The following OTOF variants were observed in gnomAD, a reference collection of about 807,000 sequenced individuals.
The protein encoded by OTOF is fer-1-like family member 2.
Under a neutral mutation model 236.8 loss-of-function variants are expected in OTOF, and 218 were observed. That is an observed-to-expected ratio of 0.92 (90% confidence interval 0.82 to 1.03). The LOEUF is 1.03. Among genes scored for constraint, OTOF ranks in the 50% least tolerant of loss-of-function variants. OTOF has a pLI of 0.00. For missense variants in OTOF, 2,590 were observed against 2,694.4 expected, an observed-to-expected ratio of 0.96 and a Z score of 0.86; for synonymous variants, 1,041 against 1,072.5, an observed-to-expected ratio of 0.97 and a Z score of 0.57.
Position 26,509,293 on chromosome 2 carries a change from C to T in OTOF, c.510-5448G>A, listed in dbSNP as rs115420935. Among the ~76,000 whole-genome samples, 966 of 152,312 alleles carry T rather than the reference C, an allele frequency of 6.3e-3. 10 individuals carry two copies. Among genetic ancestry groups the T allele is most frequent in the African/African-American group, 0.021 (890 of 41,570 alleles). ...AAGAGGACTCCCCAGCTCAGCATTC[C>T]CCATCATCGCCACCCACCCTGGATT... On this transcript the variant is annotated intron_variant, in intron 5 of 46. Coordinates refer to ENST00000272371, the MANE Select transcript of OTOF (RefSeq NM_194248.3).
rs1665793088 is a variant in OTOF at position 26,489,725 on chromosome 2, A to G, written c.913T>C (p.Phe305Leu). Residue 305 changes from phenylalanine (F) to leucine (L), a missense_variant, in exon 10 of 47, where the codon TTC (phenylalanine) becomes CTC (leucine). Physicochemically the swap from Phe to Leu is conservative, Grantham distance 22 (BLOSUM62 0). Transcript: ENST00000272371. ...PYYNEYFVFD[F>L]HVSPDVMFDK... Reference sequence around the variant, plus strand: ...AACATGACATCCGGAGAGACATGGAAGTCGAAGACGAAGTACTGGAGGGGG... The same window carrying G: ...AACATGACATCCGGAGAGACATGGAGGTCGAAGACGAAGTACTGGAGGGGG... 1.2e-5 allele frequency: 19 copies of G among 1,612,826 alleles called. No individual in the cohort carries two copies. Among genetic ancestry groups the G allele is most frequent in the Non-Finnish European group, 1.6e-5 (19 of 1,179,872 alleles).
chr2:26,511,514 T>C (rs1326197269), intron 5 of OTOF, among the ~76,000 whole-genome samples: 5 of 152,238 alleles, frequency 3.3e-5, no homozygotes, highest in Non-Finnish European at 4.4e-5. Context: ...CACCCTGTTC[T>C]GGCACAGGCC....
Position 26,527,829 on chromosome 2 carries a change from T to TA in OTOF, c.227+2dup, listed in dbSNP as rs1666846070. ...AGCCCCTCCTGCCCCATCCCACACT[T>TA]ACTTGTTGCTGAAGACTTTGCTGTA... On this transcript the variant is annotated splice_region_variant and intron_variant, in intron 3 of 46. Coordinates refer to ENST00000272371, the MANE Select transcript of OTOF (RefSeq NM_194248.3). The TA allele has an allele frequency of 6.2e-7, 1 of 1,607,642 alleles. No individual in the cohort carries two copies. Among genetic ancestry groups the TA allele is most frequent in the African/African-American group, 1.3e-5 (1 of 74,764 alleles).
intron 7 of OTOF, 55 bp downstream of exon 7, chr2:26,502,245 G>A: frequency 6.2e-7 from 1 of 1,604,310 alleles, no homozygotes. Flanking sequence ...TGGCAAGCCA[G>A]GTCCTGCCTG....
At position 26,497,601 on chromosome 2, in the gene OTOF, A is replaced by C. The variant is rs185520884; in HGVS notation, c.766-2528T>G. 2.5e-4 allele frequency among the ~76,000 whole-genome samples: 38 copies of C among 152,378 alleles called. No homozygotes were observed. In the East Asian group the frequency reaches 6.9e-3, roughly 28 times the overall value. On this transcript the variant is annotated intron_variant, in intron 8 of 46. Coordinates refer to ENST00000272371, the MANE Select transcript of OTOF (RefSeq NM_194248.3). ...AACCTGAGGGTGATTAAAAATCTACACATCAGAAGTAATCATGTTAAGGAA... is the reference window on the plus strand; with the variant it reads ...AACCTGAGGGTGATTAAAAATCTACCCATCAGAAGTAATCATGTTAAGGAA...
rs1439639692 is a variant in OTOF, at chr2:26,475,433, G to T, written c.3052C>A (p.Leu1018Ile). ...CTCAGCTCATGAGCTTCACCATAGAGCTCCAGGTTGTCGAACACCAGCATC... is the reference window on the plus strand; with the variant it reads ...CTCAGCTCATGAGCTTCACCATAGATCTCCAGGTTGTCGAACACCAGCATC... ...DQMLVFDNLELYGEAHELRDD... is the reference protein window; with the variant it reads ...DQMLVFDNLEIYGEAHELRDD... The change falls in exon 25 of 47, where the codon CTC becomes ATC. Residue 1018 changes from leucine (L) to isoleucine (I), a missense_variant. Leu to Ile is a conservative substitution (Grantham distance 5). Around this residue, in one of 2 missense-constraint regions of OTOF, gnomAD observed 1,211 missense variants for 1,352.8 expected, o/e 0.90. Coordinates refer to ENST00000272371, the MANE Select transcript of OTOF (RefSeq NM_194248.3). The T allele has an allele frequency of 1.2e-6, 2 of 1,613,136 alleles. No individual in the cohort carries two copies. Among genetic ancestry groups the T allele is most frequent in the Non-Finnish European group, 1.7e-6 (2 of 1,179,902 alleles).
At chr2:26,493,629 C>A (rs556685928) in intron 9 of OTOF, among the ~76,000 whole-genome samples, 26 of 152,260 alleles carry the variant, frequency 1.7e-4, no homozygotes, top group African/African-American at 5.5e-4. Context: ...TGCAACAAAC[C>A]ACACGGCTCA....
chr2:26,475,442 T>C lies in OTOF; in HGVS notation c.3043A>G (p.Asn1015Asp). Reference protein sequence around the residue: ...PTWDQMLVFDNLELYGEAHEL... With the variant: ...PTWDQMLVFDDLELYGEAHEL... The stretch of plus-strand genomic sequence containing the variant: ...TGAGCTTCACCATAGAGCTCCAGGT[T>C]GTCGAACACCAGCATCTGGTCCCAG... Residue 1015 changes from asparagine (N) to aspartate (D), a missense_variant, in exon 25 of 47, where the codon AAC becomes GAC. Asn to Asp is a conservative substitution (Grantham distance 23). Transcript: ENST00000272371. 6.2e-7 allele frequency: 1 copy of C among 1,613,098 alleles called. No individual in the cohort carries two copies. The highest frequency in any genetic ancestry group is 8.5e-7 in the Non-Finnish European group (1 of 1,179,924).
chr2:26,489,075 C>T, intron 11 of OTOF, 136 bp downstream of exon 11: 2 of 718,010 alleles, frequency 2.8e-6, no homozygotes, highest in South Asian at 1.5e-5. Flanking sequence ...GGCCAGATGG[C>T]TGTGTGTACT....
chr2:26,555,198 C>T (rs1340868244), intron 1 of OTOF, among the ~76,000 whole-genome samples: 1 of 152,216 alleles, frequency 6.6e-6, no homozygotes, highest in African/African-American at 2.4e-5. Flanking sequence ...AAGATGGCTC[C>T]TTCTTAGATA....
At position 26,466,792 on chromosome 2, in the gene OTOF, G is replaced by T. The variant is rs767174554; in HGVS notation, c.4422C>A (p.Tyr1474Ter). 6.2e-7 allele frequency: 1 copy of T among 1,614,120 alleles called. No individual in the cohort carries two copies. Among genetic ancestry groups the T allele is most frequent in the African/African-American group, 1.3e-5 (1 of 74,946 alleles). The change falls in exon 36 of 47, where the codon TAC (tyrosine) becomes TAA (stop). Residue 1474 changes from tyrosine to a stop codon, truncating the protein, a stop_gained. Transcript: ENST00000272371. LOFTEE classifies it high-confidence loss of function. ...LPEDVSREAG[Y>*]DSTYGMFQGI... ...CCTGGAACATGCCGTAGGTGGAGTC[G>T]TAGCCGGCTTCCCGGGACACGTCCT...
At chr2:26,545,765 G>A (rs1174273006) in intron 1 of OTOF, among the ~76,000 whole-genome samples, 5 of 152,072 alleles carry the variant, frequency 3.3e-5, no homozygotes, top group African/African-American at 1.2e-4. Context: ...TCTCCATATA[G>A]ATACCTAGTT....
intron 8 of OTOF, among the ~76,000 whole-genome samples, chr2:26,500,325 G>A (rs1666086033): frequency 6.6e-6 from 1 of 152,190 alleles, no homozygotes; most frequent in African/African-American, 2.4e-5. Flanking sequence ...CTAGCACAGT[G>A]CCTGGCATAG....
At chr2:26,546,290 G>A (rs576761791) in intron 1 of OTOF, among the ~76,000 whole-genome samples, 14 of 152,072 alleles carry the variant, frequency 9.2e-5, no homozygotes, top group African/African-American at 1.7e-4. Context: ...GTGAAACCTC[G>A]TCTCTACTGA....
At chr2:26,519,168 A>G in intron 3 of OTOF, 59 bp from the exon 4 acceptor site, 1 of 1,138,172 alleles carries the variant, frequency 8.8e-7, no homozygotes, top group Non-Finnish European at 1.3e-6. Flanking sequence ...GAGGAGCAAG[A>G]CTGACATCCC....
At chr2:26,519,491 C>T (rs1001650898) in intron 3 of OTOF, among the ~76,000 whole-genome samples, 5 of 152,214 alleles carry the variant, frequency 3.3e-5, no homozygotes, top group East Asian at 1.9e-4. Context: ...GTAGCTCCTC[C>T]GGCTTCTACC....
chr2:26,521,445 G>T (rs1235665998), intron 3 of OTOF, among the ~76,000 whole-genome samples: 1 of 152,166 alleles, frequency 6.6e-6, no homozygotes, highest in Non-Finnish European at 1.5e-5. Flanking sequence ...TGCCTTCTAG[G>T]CTTAACCTGC....
intron 4 of OTOF, 107 bp from the exon 5 acceptor site, chr2:26,516,706 T>C: frequency 8.4e-7 from 1 of 1,184,534 alleles, no homozygotes; most frequent in African/African-American, 1.5e-5. Flanking sequence ...CACCCTTGCC[T>C]CACTGGAGGA....
intron 5 of OTOF, among the ~76,000 whole-genome samples, chr2:26,504,384 C>G (rs1666197562): frequency 6.6e-6 from 1 of 152,170 alleles, no homozygotes; most frequent in African/African-American, 2.4e-5. Flanking sequence ...GTTCAGTTCT[C>G]AGATGGCCCT....
Sources: allele counts gnomAD v4.1 joint callset (sites outside exome capture counted in the v4.1 genomes callset), GRCh38; gene constraint gnomAD v4.1.1; regional missense constraint gnomAD v4.1.1; transcripts MANE v1.5; gene names NCBI Gene and HGNC (gene_info 2026-07-23, HGNC 2026-07-21).